The following ANGPTL5 variants were observed in gnomAD, a reference collection of about 807,000 sequenced individuals.
The protein encoded by ANGPTL5 is angiopoietin like 5, also known as angiopoietin-related protein 5.
Under a neutral mutation model 39.4 loss-of-function variants are expected in ANGPTL5, and 34 were observed. That is an observed-to-expected ratio of 0.86 (90% CI 0.66 to 1.15). The LOEUF (loss-of-function observed/expected upper bound fraction) is 1.15, where lower values mean the gene tolerates loss of function less well. Among genes scored for constraint, ANGPTL5 ranks in the 50% most tolerant of loss-of-function variants. The pLI is 0.00. For synonymous variants in ANGPTL5, 146 were observed against 152.1 expected (o/e 0.96, Z 0.29); for missense variants, 467 against 457.5 (o/e 1.02, Z -0.19).
chr11:101,902,294 T>C (rs1939916948), intron 6 of ANGPTL5, among the ~76,000 whole-genome samples: 1 of 152,154 alleles, frequency 6.6e-6, no homozygotes, highest in South Asian at 2.1e-4. Context: ...AGCAAGTATT[T>C]ATATTGCATA....
At position 101,900,429 on chromosome 11, in the gene ANGPTL5, C is replaced by T; in HGVS notation, c.661+1G>A. On this transcript the variant is annotated splice_donor_variant, in intron 7 of 8. Coordinates refer to ENST00000334289, the MANE Select transcript of ANGPTL5 (RefSeq NM_178127.5). LOFTEE classifies it high-confidence loss of function. ...TAGAGTAGAAATACAAAAAAATTAA[C>T]CTAGAAGATCTCCAAATCCATCCAG... The T allele has an allele frequency of 6.2e-7, 1 of 1,612,612 alleles. No individual in the cohort carries two copies. The highest frequency in any genetic ancestry group is 8.5e-7 in the Non-Finnish European group (1 of 1,179,510).
chr11:101,907,029 G>T, intron 3 of ANGPTL5, 74 bp downstream of exon 3: 1 of 1,178,000 alleles, frequency 8.5e-7, no homozygotes. Context: ...AAAAGCTAAA[G>T]TATACTTTTC....
intron 5 of ANGPTL5, 61 bp downstream of exon 5, chr11:101,904,753 C>T: frequency 2.1e-6 from 3 of 1,434,398 alleles, no homozygotes; most frequent in East Asian, 4.6e-5. Flanking sequence ...ATCGACCTGT[C>T]CAGGAAAATT....
intron 4 of ANGPTL5, 137 bp from the exon 5 acceptor site, chr11:101,905,044 T>C: frequency 1.4e-6 from 1 of 691,442 alleles, no homozygotes; most frequent in South Asian, 1.7e-5. Context: ...TAACAAAGAA[T>C]AAAGGCAAAG....
intron 6 of ANGPTL5, among the ~76,000 whole-genome samples, chr11:101,901,817 G>A (rs76384324): frequency 0.014 from 2,159 of 152,006 alleles, 26 homozygotes; most frequent in Non-Finnish European, 0.02. Flanking sequence ...AGAGAAACCG[G>A]TAGTATTTAC....
rs150738144 is a variant in ANGPTL5 at position 101,905,560 on chromosome 11, C to G, written c.345+184G>C. Among the ~76,000 whole-genome samples the G allele has an allele frequency of 2.6e-3, 389 of 152,264 alleles. 3 individuals are homozygous for G. Among genetic ancestry groups the G allele is most frequent in the Non-Finnish European group, 3.6e-3 (243 of 68,018 alleles). ...TTTTAATGCTCCACTAGACCATACC[C>G]CTTGAATTAAGTTCGATTTTTTTAC... On this transcript the variant is annotated intron_variant, in intron 4 of 8. Transcript: ENST00000334289.
chr11:101,896,890 C>A (rs1342720826), intron 7 of ANGPTL5, among the ~76,000 whole-genome samples: 1 of 152,180 alleles, frequency 6.6e-6, no homozygotes, highest in Non-Finnish European at 1.5e-5. Context: ...ATTGCTGGGT[C>A]AAATGGTATT....
At chr11:101,893,535 G>A (rs1468671458) in intron 8 of ANGPTL5, among the ~76,000 whole-genome samples, 1 of 152,142 alleles carries the variant, frequency 6.6e-6, no homozygotes, top group Non-Finnish European at 1.5e-5. Flanking sequence ...AAAATGTAGA[G>A]TACAGTATGG....
intron 7 of ANGPTL5, among the ~76,000 whole-genome samples, chr11:101,899,385 C>T (rs1196764671): frequency 6.6e-6 from 1 of 152,206 alleles, no homozygotes; most frequent in East Asian, 1.9e-4. Flanking sequence ...CAGGCGTGAG[C>T]CACTACACCC....
Position 101,891,451 on chromosome 11 carries a change from C to T in ANGPTL5, c.995G>A (p.Gly332Asp), listed in dbSNP as rs1238493657. 6.2e-7 allele frequency: 1 copy of T among 1,613,954 alleles called. No individual in the cohort carries two copies. The highest frequency in any genetic ancestry group is 1.3e-5 in the African/African-American group (1 of 74,898). The change falls in exon 9 of 9, where the codon GGC becomes GAC. Residue 332 changes from glycine to aspartate, a missense_variant. Coordinates refer to ENST00000334289, the MANE Select transcript of ANGPTL5 (RefSeq NM_178127.5). ...KSCSHLHNKTGWWFNECGLAN... is the reference protein window; with the variant it reads ...KSCSHLHNKTDWWFNECGLAN... ...TAGACCACACTCGTTAAACCACCAG[C>T]CGGTCTTGTTATGGAGGTGACTGCA...
In ANGPTL5 at chr11:101,904,849, A is replaced by G. The variant is rs983909142; in HGVS notation, c.404T>C (p.Leu135Pro). The change falls in exon 5 of 9, where the codon CTG becomes CCG. Residue 135 changes from leucine to proline, a missense_variant. Leu to Pro is a moderately conservative substitution (Grantham distance 98). Coordinates refer to ENST00000334289, the MANE Select transcript of ANGPTL5 (RefSeq NM_178127.5). ...LLTTEVFRKQ[L>P]DPFPHRPVQS... ...AACAGGTCTGTGAGGAAAAGGATCC[A>G]GCTGTTTTCTAAAAACTTCTGTAGT... is the stretch of plus-strand genomic sequence containing the variant. 6.2e-7 allele frequency: 1 copy of G among 1,613,798 alleles called. No individual in the cohort carries two copies. Among genetic ancestry groups the G allele is most frequent in the Non-Finnish European group, 8.5e-7 (1 of 1,179,718 alleles).
intron 1 of ANGPTL5, among the ~76,000 whole-genome samples, chr11:101,908,479 T>C (rs1307939330): frequency 6.6e-6 from 1 of 152,108 alleles, no homozygotes; most frequent in Admixed American, 6.5e-5. Context: ...AATATACTTT[T>C]AAAATGCCAA....
rs746741985 is a variant in ANGPTL5 at position 101,915,285 on chromosome 11, A to T, written c.-93+734T>A. The T allele has an allele frequency of 6.2e-6, 10 of 1,613,490 alleles. No individual in the cohort carries two copies. The African/African-American group carries it at 1.1e-4, about 17-fold the overall frequency. On this transcript the variant is annotated intron_variant, in intron 1 of 8. Coordinates refer to ENST00000334289, the MANE Select transcript of ANGPTL5 (RefSeq NM_178127.5). ...CAGACAGGCGGCGCTGAAGTGAAGG[A>T]TGCTGGCGGGGAGGCCCGGAACCCG...
intron 1 of ANGPTL5, among the ~76,000 whole-genome samples, chr11:101,913,296 C>T (rs1180171914): frequency 2.0e-5 from 3 of 152,174 alleles, no homozygotes; most frequent in Non-Finnish European, 2.9e-5. Context: ...AAGTCTCCAG[C>T]CCAAAATGAA....
chr11:101,899,170 C>T (rs535048107), intron 7 of ANGPTL5, among the ~76,000 whole-genome samples: 8 of 152,032 alleles, frequency 5.3e-5, no homozygotes, highest in South Asian at 2.1e-4. Context: ...AAAAGAGTTA[C>T]GGAGGAGTCC....
intron 1 of ANGPTL5, among the ~76,000 whole-genome samples, chr11:101,914,053 C>A (rs1940139881): frequency 6.6e-6 from 1 of 152,190 alleles, no homozygotes; most frequent in Admixed American, 6.5e-5. Context: ...CAATTTGAGT[C>A]ATTGCAACCA....
chr11:101,907,313 T>TA (rs1186423807), intron 2 of ANGPTL5, 66 bp from the exon 3 acceptor site: 5 of 997,866 alleles, frequency 5.0e-6, no homozygotes, highest in African/African-American at 3.3e-5. Context: ...TAATACATAA[T>TA]AAAAAAGACT....
chr11:101,900,692 T>C, intron 6 of ANGPTL5, 142 bp from the exon 7 acceptor site: 1 of 813,302 alleles, frequency 1.2e-6, no homozygotes. Flanking sequence ...GCCATTAATT[T>C]ATTCAGATGT....
intron 3 of ANGPTL5, 105 bp downstream of exon 3, chr11:101,906,998 T>G: frequency 1.2e-6 from 1 of 841,776 alleles, no homozygotes; most frequent in Non-Finnish European, 1.8e-6. Flanking sequence ...ATGATCAGGA[T>G]GTATAGAAAA....
Sources: allele counts gnomAD v4.1 joint callset (sites outside exome capture counted in the v4.1 genomes callset), GRCh38; gene constraint gnomAD v4.1.1; transcripts MANE v1.5; gene names NCBI Gene and HGNC (gene_info 2026-07-23, HGNC 2026-07-21).